The following AVPR1B variants were observed in gnomAD, a reference collection of about 807,000 sequenced individuals.
AVPR1B encodes vasopressin V1b receptor.
A neutral mutation model predicts 27.5 loss-of-function variants in AVPR1B; 25 were observed. The observed-to-expected ratio is 0.91, with a 90% CI of 0.66 to 1.27. The LOEUF is 1.27. Ranked by LOEUF, AVPR1B falls within the 50% of genes most tolerant of loss-of-function variation. The pLI, the probability that AVPR1B is intolerant of heterozygous loss-of-function variation, is 0.00. For missense variants in AVPR1B, 595 were observed against 556.9 expected, an observed-to-expected ratio of 1.07 and a Z score of -0.69; for synonymous variants, 248 against 240.2, an observed-to-expected ratio of 1.03 and a Z score of -0.30.
At chr1:206,114,470 T>A (rs1374829458) in intron 1 of AVPR1B, among the ~76,000 whole-genome samples, 1 of 152,150 alleles carries the variant, frequency 6.6e-6, no homozygotes, top group Non-Finnish European at 1.5e-5. Context: ...TTCTGAATAC[T>A]GCTCTCCAAC....
At position 206,117,155 on chromosome 1, in the gene AVPR1B, G is replaced by C. The variant is rs543778652; in HGVS notation, c.-265C>G. On this transcript the variant is annotated 5_prime_UTR_variant, in exon 1 of 2. Coordinates refer to ENST00000367126, the MANE Select transcript of AVPR1B (RefSeq NM_000707.5). Reference sequence around the variant, plus strand: ...GGTCAGGAAGATGGGGAATCAGGACGGGAAGAATGGGGGACGCTGTGCAGA... The same window carrying C: ...GGTCAGGAAGATGGGGAATCAGGACCGGAAGAATGGGGGACGCTGTGCAGA... 4.1e-6 allele frequency: 2 copies of C among 488,696 alleles called. No individual in the cohort carries two copies. The highest frequency in any genetic ancestry group is 6.0e-5 in the South Asian group (2 of 33,554). The allele number at this position is 488,696 out of a possible 1,614,324, so 30.3% of individuals were successfully genotyped here. A position where few individuals can be genotyped will look rare whatever the true frequency, so the allele number is the denominator to read the frequency against.
In AVPR1B at chr1:206,109,298, C is replaced by T. The variant is rs1663330086; in HGVS notation, c.*891G>A. On this transcript the variant is annotated 3_prime_UTR_variant, in exon 2 of 2. Transcript: ENST00000367126. Reference sequence around the variant, plus strand: ...GATGTCACCTTTTCTCAAAGGAGGTCTCCTCTGTGTAGCCCCCGGGGAAAG... The same window carrying T: ...GATGTCACCTTTTCTCAAAGGAGGTTTCCTCTGTGTAGCCCCCGGGGAAAG... 1.3e-5 allele frequency among the ~76,000 whole-genome samples: 2 copies of T among 152,120 alleles called. No homozygotes were observed.
In AVPR1B at chr1:206,110,397, C is replaced by G. The variant is rs781832641; in HGVS notation, c.1067G>C (p.Cys356Ser). ...LPRPLRHLAC[C>S]GGPQPRMRRR... Reference sequence around the variant, plus strand: ...GCGCATCCTGGGCTGGGGACCCCCACAGCAGGCAAGGTGACGCAGGGGCCG... The same window carrying G: ...GCGCATCCTGGGCTGGGGACCCCCAGAGCAGGCAAGGTGACGCAGGGGCCG... Residue 356 changes from cysteine (C) to serine (S), a missense_variant, in exon 2 of 2, where the codon TGT (cysteine) becomes TCT (serine). Coordinates refer to ENST00000367126, the MANE Select transcript of AVPR1B (RefSeq NM_000707.5). The G allele has an allele frequency of 8.1e-6, 13 of 1,612,806 alleles. No homozygotes were observed. The highest frequency in any genetic ancestry group is 1.1e-5 in the Non-Finnish European group (13 of 1,179,526).
rs33932943 is a variant in AVPR1B, at chr1:206,117,246, T to A, written c.-356A>T. The A allele has an allele frequency of 0.048, 10,654 of 221,500 alleles. 366 individuals are homozygous for A. Among genetic ancestry groups the A allele is most frequent in the African/African-American group, 0.097 (4,214 of 43,552 alleles). The allele number at this position is 221,500 out of a possible 1,614,324, so 13.7% of individuals were successfully genotyped here. On this transcript the variant is annotated 5_prime_UTR_variant, in exon 1 of 2. Transcript: ENST00000367126. ...CCACCCTCCAATCCGCCTCAAATTC[T>A]CTTTCTCCAAACTTTTCTGGAAGCC...
rs781789380 is a variant in AVPR1B, at chr1:206,107,457, C to T, written c.*2732G>A. Among the ~76,000 whole-genome samples the T allele has an allele frequency of 6.6e-6, 1 of 152,076 alleles. No homozygotes were observed. The highest frequency in any genetic ancestry group is 1.5e-5 in the Non-Finnish European group (1 of 68,034). On this transcript the variant is annotated 3_prime_UTR_variant, in exon 2 of 2. Coordinates refer to ENST00000367126, the MANE Select transcript of AVPR1B (RefSeq NM_000707.5). Reference sequence around the variant, plus strand: ...CCTGCAGAACTTTCACTCATAGATCCGATGAGATCCACCATTTCCTTCAGG... The same window carrying T: ...CCTGCAGAACTTTCACTCATAGATCTGATGAGATCCACCATTTCCTTCAGG...
chr1:206,110,790 G>C (rs1202764470), intron 1 of AVPR1B, among the ~76,000 whole-genome samples: 3 of 152,206 alleles, frequency 2.0e-5, no homozygotes, highest in African/African-American at 7.2e-5. Flanking sequence ...TTTCCTTCAA[G>C]TTTAATTGAG....
chr1:206,109,223 G>A lies in AVPR1B; in HGVS notation c.*966C>T, dbSNP rs1663328850. ...CCTAACTGGATCACAGCATCCATATGGTTCATGGTGGAAGCTCTGAAGAGC... is the reference window on the plus strand; with the variant it reads ...CCTAACTGGATCACAGCATCCATATAGTTCATGGTGGAAGCTCTGAAGAGC... On this transcript the variant is annotated 3_prime_UTR_variant, in exon 2 of 2. Coordinates refer to ENST00000367126, the MANE Select transcript of AVPR1B (RefSeq NM_000707.5). 6.6e-6 allele frequency among the ~76,000 whole-genome samples: 1 copy of A among 152,180 alleles called. No homozygotes were observed. Among genetic ancestry groups the A allele is most frequent in the Non-Finnish European group, 1.5e-5 (1 of 68,026 alleles).
In AVPR1B at chr1:206,115,388, T is replaced by C. The variant is rs116233006; in HGVS notation, c.940+563A>G. 1.7e-3 allele frequency among the ~76,000 whole-genome samples: 262 copies of C among 152,356 alleles called. 1 individual carries two copies. The highest frequency in any genetic ancestry group is 5.9e-3 in the African/African-American group (244 of 41,590). ...TTTGTGTGTGTCACATCCAATTCTTTGTTCGTGGCACCAAGAACCTGGGAC... is the reference window on the plus strand; with the variant it reads ...TTTGTGTGTGTCACATCCAATTCTTCGTTCGTGGCACCAAGAACCTGGGAC... On this transcript the variant is annotated intron_variant, in intron 1 of 1. Transcript: ENST00000367126.
intron 1 of AVPR1B, among the ~76,000 whole-genome samples, chr1:206,114,430 C>T (rs1663428197): frequency 6.6e-6 from 1 of 152,162 alleles, no homozygotes; most frequent in African/African-American, 2.4e-5. Context: ...CCTCATGCCT[C>T]ACTCCTGCTT....
At chr1:206,111,169 C>T (rs1387847036) in intron 1 of AVPR1B, among the ~76,000 whole-genome samples, 3 of 152,168 alleles carry the variant, frequency 2.0e-5, no homozygotes, top group African/African-American at 7.2e-5. Context: ...CCCCTACAGC[C>T]AAGGGGGCAG....
At position 206,115,807 on chromosome 1, in the gene AVPR1B, C is replaced by A. The variant is rs932715942; in HGVS notation, c.940+144G>T. ...AATGGAAATCATAACTGCCCCTTTT[C>A]ACTTGGAGCAGGCACCATCTTCCTT... On this transcript the variant is annotated intron_variant, in intron 1 of 1. Coordinates refer to ENST00000367126, the MANE Select transcript of AVPR1B (RefSeq NM_000707.5). 7.0e-6 allele frequency: 5 copies of A among 713,638 alleles called. No individual in the cohort carries two copies. In the African/African-American group the frequency reaches 8.9e-5, roughly 13 times the overall value. The allele number at this position is 713,638 out of a possible 1,614,324, so 44.2% of individuals were successfully genotyped here. A position where few individuals can be genotyped will look rare whatever the true frequency, so the allele number is the denominator to read the frequency against.
In AVPR1B at chr1:206,116,070, C is replaced by G. The variant is rs34144261; in HGVS notation, c.821G>C (p.Arg274Pro). The G allele has an allele frequency of 4.3e-6, 7 of 1,614,178 alleles. No individual in the cohort carries two copies. Among genetic ancestry groups the G allele is most frequent in the East Asian group, 2.2e-5 (1 of 44,890 alleles). The change falls in exon 1 of 2, where the codon CGG (arginine) becomes CCG (proline). Residue 274 changes from arginine (R) to proline (P), a missense_variant. Physicochemically the swap from Arg to Pro is moderately radical, Grantham distance 103. Transcript: ENST00000367126. Reference protein sequence around the residue: ...SRVSSINTISRAKIRTVKMTF... With the variant: ...SRVSSINTISPAKIRTVKMTF... ...CATCTTCACTGTTCGGATCTTGGCC[C>G]GTGAGATGGTGTTGATGCTGCTGAC...
chr1:206,110,757 C>T (rs1167134234), intron 1 of AVPR1B, among the ~76,000 whole-genome samples: 1 of 152,142 alleles, frequency 6.6e-6, no homozygotes, highest in Non-Finnish European at 1.5e-5. Flanking sequence ...TGTGTAACTG[C>T]AGGGTGAAGG....
rs781847029 is a variant in AVPR1B, at chr1:206,116,596, G to A, written c.295C>T (p.Arg99Cys). The change falls in exon 1 of 2, where the codon CGC becomes TGC. Residue 99 changes from arginine to cysteine, a missense_variant. Physicochemically the swap from Arg to Cys is radical, Grantham distance 180. Coordinates refer to ENST00000367126, the MANE Select transcript of AVPR1B (RefSeq NM_000707.5). The stretch of plus-strand genomic sequence containing the variant: ...CACAGGAGGTCGGGGCCCTGGAAGC[G>A]GTAGGTGATGTCCCACAGCAGCTGT... ...LPQLLWDITY[R>C]FQGPDLLCRA... 7 of 1,614,020 alleles carry A rather than the reference G, an allele frequency of 4.3e-6. No homozygotes were observed. In the African/African-American group the frequency reaches 8.0e-5, roughly 18 times the overall value.
At chr1:206,112,954 C>T (rs1376389938) in intron 1 of AVPR1B, among the ~76,000 whole-genome samples, 19 of 152,376 alleles carry the variant, frequency 1.2e-4, no homozygotes, top group African/African-American at 3.4e-4. Context: ...TGCCTGGTTT[C>T]TGGCCTGCTC....
rs1184898532 is a variant in AVPR1B at position 206,107,790 on chromosome 1, C to G, written c.*2399G>C. ...ACTGTAGACTCTTTTGGGTCAGGAC[C>G]CTGGAGGTCATCTACCAGATGCAAT... On this transcript the variant is annotated 3_prime_UTR_variant, in exon 2 of 2. Transcript: ENST00000367126. 6.6e-6 allele frequency among the ~76,000 whole-genome samples: 1 copy of G among 152,178 alleles called. No individual in the cohort carries two copies. Among genetic ancestry groups the G allele is most frequent in the Non-Finnish European group, 1.5e-5 (1 of 68,042 alleles).
In AVPR1B at chr1:206,108,569, A is replaced by G. The variant is rs1663318824; in HGVS notation, c.*1620T>C. Among the ~76,000 whole-genome samples the G allele has an allele frequency of 6.6e-6, 1 of 152,196 alleles. No individual in the cohort carries two copies. Reference sequence around the variant, plus strand: ...CTCTTAATTAGATTAGTAATTCCTTACGTTAGTATAGAGCTCATGACTTTA... The same window carrying G: ...CTCTTAATTAGATTAGTAATTCCTTGCGTTAGTATAGAGCTCATGACTTTA... On this transcript the variant is annotated 3_prime_UTR_variant, in exon 2 of 2. Coordinates refer to ENST00000367126, the MANE Select transcript of AVPR1B (RefSeq NM_000707.5).
Position 206,116,696 on chromosome 1 carries a change from C to G in AVPR1B, c.195G>C (p.Lys65Asn), listed in dbSNP as rs35369693. Residue 65 changes from lysine (K) to asparagine (N), a missense_variant, in exon 1 of 2, where the codon AAG becomes AAC. By Grantham distance (94) the Lys-to-Asn change is moderately conservative (BLOSUM62 0). Transcript: ENST00000367126. ...VLLTLGQLGR[K>N]RSRMHLFVLH... ...GCACGAACAGGTGCATGCGGGAGCG[C>G]TTGCGGCCCAGCTGGCCCAGGGTCA... 0.053 allele frequency: 85,655 copies of G among 1,608,580 alleles called. 2,676 individuals carry two copies. Among genetic ancestry groups the G allele is most frequent in the Non-Finnish European group, 0.063 (74,410 of 1,176,854 alleles).
Position 206,108,881 on chromosome 1 carries a change from G to A in AVPR1B, c.*1308C>T, listed in dbSNP as rs782729183. On this transcript the variant is annotated 3_prime_UTR_variant, in exon 2 of 2. Coordinates refer to ENST00000367126, the MANE Select transcript of AVPR1B (RefSeq NM_000707.5). ...GCCTGCAGCCTCTCCCAGCCTTGGAGGAGGATTCAGCATCCCAGATGAGGA... is the reference window on the plus strand; with the variant it reads ...GCCTGCAGCCTCTCCCAGCCTTGGAAGAGGATTCAGCATCCCAGATGAGGA... 6.6e-6 allele frequency among the ~76,000 whole-genome samples: 1 copy of A among 152,262 alleles called. No homozygotes were observed. Among genetic ancestry groups the A allele is most frequent in the Non-Finnish European group, 1.5e-5 (1 of 68,050 alleles).
Sources: gnomAD v4.1 joint callset for allele counts (sites outside exome capture counted in the v4.1 genomes callset) on GRCh38, gnomAD v4.1.1 for gene constraint, MANE v1.5 for transcripts, NCBI Gene and HGNC (gene_info 2026-07-23, HGNC 2026-07-21) for gene names.